DCC: variants seen among roughly 807,000 people sequenced by gnomAD.
DCC encodes the protein netrin receptor DCC.
In DCC, 58 loss-of-function variants were observed where a neutral mutation model predicts 172.5. That is an observed-to-expected ratio of 0.34 (90% confidence interval 0.27 to 0.42). The LOEUF (loss-of-function observed/expected upper bound fraction) is 0.42. Ranked by LOEUF, DCC falls within the 10% of genes least tolerant of loss-of-function variation. The pLI, the probability that DCC is intolerant of heterozygous loss-of-function variation, is 1.00. For synonymous variants in DCC, 709 were observed against 644.5 expected (o/e 1.10, Z -1.52); for missense variants, 1,740 against 1,791.0 (o/e 0.97, Z 0.51).
At chr18:53,204,911 A>T (rs2055601181) in intron 9 of DCC, among the ~76,000 whole-genome samples, 1 of 152,152 alleles carries the variant, frequency 6.6e-6, no homozygotes, top group Non-Finnish European at 1.5e-5. Context: ...TCAGACTAAG[A>T]ATTTAGATTC....
chr18:53,172,180 T>G (rs922113112), intron 8 of DCC, among the ~76,000 whole-genome samples: 3 of 152,166 alleles, frequency 2.0e-5, no homozygotes, highest in Non-Finnish European at 4.4e-5. Flanking sequence ...GCAACACGGA[T>G]GTAGTTGGAG....
intron 1 of DCC, among the ~76,000 whole-genome samples, chr18:52,613,457 G>A (rs146348159): frequency 0.018 from 2,743 of 152,054 alleles, 27 homozygotes; most frequent in Non-Finnish European, 0.027. Flanking sequence ...GGGTTTCACC[G>A]TGTTAGCCAG....
chr18:52,878,927 C>A (rs534850322), intron 2 of DCC, among the ~76,000 whole-genome samples: 209 of 152,180 alleles, frequency 1.4e-3, no homozygotes, highest in Middle Eastern at 0.014. Flanking sequence ...CTAAAACACA[C>A]CCGGGCACAA....
At chr18:53,312,723 G>A (rs1406236863) in intron 13 of DCC, among the ~76,000 whole-genome samples, 1 of 144,360 alleles carries the variant, frequency 6.9e-6, no homozygotes. Context: ...GCGGGAGAAT[G>A]GCTTGAACCG....
At chr18:52,722,517 A>G (rs1270990137) in intron 1 of DCC, among the ~76,000 whole-genome samples, 1 of 151,722 alleles carries the variant, frequency 6.6e-6, no homozygotes, top group African/African-American at 2.4e-5. Flanking sequence ...CACTCTCCCA[A>G]CCCCCACTCC....
At chr18:52,950,037 A>C (rs371041854) in intron 5 of DCC, among the ~76,000 whole-genome samples, 1 of 152,206 alleles carries the variant, frequency 6.6e-6, no homozygotes, top group Non-Finnish European at 1.5e-5. Flanking sequence ...CATGGTTGGC[A>C]CTGGAGACAT....
At chr18:53,071,210 A>G (rs2042646956) in intron 7 of DCC, among the ~76,000 whole-genome samples, 1 of 152,212 alleles carries the variant, frequency 6.6e-6, no homozygotes, top group African/African-American at 2.4e-5. Context: ...TCTTTTATAT[A>G]TAGTTACCTA....
chr18:52,546,923 G>A (rs560673890), intron 1 of DCC, among the ~76,000 whole-genome samples: 1 of 152,076 alleles, frequency 6.6e-6, no homozygotes, highest in East Asian at 1.9e-4. Flanking sequence ...TTAGAAGTCT[G>A]TCAGAACACG....
chr18:53,139,700 G>A (rs1306036514), intron 7 of DCC, among the ~76,000 whole-genome samples: 2 of 152,198 alleles, frequency 1.3e-5, no homozygotes, highest in East Asian at 1.9e-4. Flanking sequence ...TGAGAGGTGA[G>A]GCAGTTTGTA....
intron 9 of DCC, among the ~76,000 whole-genome samples, chr18:53,186,371 G>A (rs1044926532): frequency 2.6e-5 from 4 of 152,186 alleles, no homozygotes; most frequent in African/African-American, 9.6e-5. Context: ...TACTAAACGT[G>A]AAAGCGGTTG....
intron 2 of DCC, among the ~76,000 whole-genome samples, chr18:52,844,357 T>A (rs1011475836): frequency 2.0e-5 from 3 of 152,042 alleles, no homozygotes; most frequent in Non-Finnish European, 2.9e-5. Context: ...GATATAGATG[T>A]GAGCTGGGCC....
chr18:53,125,367 G>A (rs2043540923), intron 7 of DCC, among the ~76,000 whole-genome samples: 2 of 151,960 alleles, frequency 1.3e-5, no homozygotes, highest in Non-Finnish European at 2.9e-5. Flanking sequence ...TAAGTTCTAA[G>A]GGCACTCTAA....
At chr18:53,058,504 A>G (rs1288429398) in intron 5 of DCC, among the ~76,000 whole-genome samples, 1 of 152,150 alleles carries the variant, frequency 6.6e-6, no homozygotes, top group Non-Finnish European at 1.5e-5. Flanking sequence ...ATAGGACTCC[A>G]GAGCTGTGAA....
intron 1 of DCC, among the ~76,000 whole-genome samples, chr18:52,534,917 A>G (rs185203795): frequency 1.3e-3 from 205 of 152,244 alleles, no homozygotes; most frequent in African/African-American, 4.7e-3. Context: ...CTTTTGTCCA[A>G]CCTTATTATG....
chr18:53,500,063 T>A (rs1220842989), intron 27 of DCC, among the ~76,000 whole-genome samples: 2 of 152,164 alleles, frequency 1.3e-5, no homozygotes, highest in Non-Finnish European at 2.9e-5. Context: ...AACATTTAGA[T>A]TGATAGAAAG....
chr18:52,943,644 ATTTATT>A (rs1433190659), intron 5 of DCC, among the ~76,000 whole-genome samples: 1 of 152,198 alleles, frequency 6.6e-6, no homozygotes, highest in East Asian at 1.9e-4. Context: ...AATGTTTCAC[ATTTATT>A]TTTATTTTCT....
At chr18:52,846,332 A>G (rs1050374910) in intron 2 of DCC, among the ~76,000 whole-genome samples, 16 of 152,054 alleles carry the variant, frequency 1.1e-4, no homozygotes, top group African/African-American at 3.9e-4. Flanking sequence ...TCATGAGCTC[A>G]GGAGTTCCAG....
In DCC at chr18:53,086,354, TTTC is replaced by T. The variant is rs1205153061; in HGVS notation, c.1261+20210_1261+20212del. Among the ~76,000 whole-genome samples, 22 of 33,900 alleles carry T rather than the reference TTTC, an allele frequency of 6.5e-4. 2 individuals carry two copies. Among genetic ancestry groups the T allele is most frequent in the South Asian group, 1.3e-3 (2 of 1,600 alleles). 22.2% of individuals were successfully genotyped at this position (33,900 alleles called of 152,430 possible). A position where few individuals can be genotyped will look rare whatever the true frequency, so the allele number is the denominator to read the frequency against. ...TTCTTCTTCTTCTTCTTCTTCTTCC[TTTC>T]TTCTTCTTCTTCTTCTTCTTCCTTT... On this transcript the variant is annotated intron_variant, in intron 7 of 28. Coordinates refer to ENST00000442544, the MANE Select transcript of DCC (RefSeq NM_005215.4).
At chr18:52,851,256 C>T (rs1020360892) in intron 2 of DCC, among the ~76,000 whole-genome samples, 4 of 152,054 alleles carry the variant, frequency 2.6e-5, no homozygotes, top group Non-Finnish European at 5.9e-5. Flanking sequence ...ATTCATGGAT[C>T]ATTCTTGGTG....
Sources: gnomAD v4.1 joint callset for allele counts (sites outside exome capture counted in the v4.1 genomes callset) on GRCh38, gnomAD v4.1.1 for gene constraint, MANE v1.5 for transcripts, NCBI Gene and HGNC (gene_info 2026-07-23, HGNC 2026-07-21) for gene names.